Variants in MSI2 observed in about 807,000 individuals in gnomAD.
The protein encoded by MSI2 is musashi RNA binding protein 2.
In MSI2, 17 loss-of-function variants were observed where a neutral mutation model predicts 45.6. The observed-to-expected ratio is 0.37, with a 90% confidence interval of 0.26 to 0.56. The LOEUF (loss-of-function observed/expected upper bound fraction) is 0.56. Ranked by LOEUF, MSI2 falls within the 20% of genes least tolerant of loss-of-function variation. MSI2 has a pLI of 0.77. For synonymous variants in MSI2, 156 were observed against 158.2 expected, an observed-to-expected ratio of 0.99 and a Z score of 0.11; for missense variants, 293 against 444.2, an observed-to-expected ratio of 0.66 and a Z score of 3.06.
chr17:57,349,229 C>T (rs147599937), intron 5 of MSI2, among the ~76,000 whole-genome samples: 1 of 152,190 alleles, frequency 6.6e-6, no homozygotes, highest in Non-Finnish European at 1.5e-5. Context: ...ACTGCCTTCT[C>T]CCTTTTGGTC....
intron 11 of MSI2, among the ~76,000 whole-genome samples, chr17:57,659,914 T>C (rs1020753716): frequency 2.0e-5 from 3 of 152,308 alleles, no homozygotes; most frequent in African/African-American, 7.2e-5. Flanking sequence ...CAGATATTTA[T>C]TAAGTATATA....
intron 5 of MSI2, among the ~76,000 whole-genome samples, chr17:57,270,960 C>T (rs1260045310): frequency 1.3e-5 from 2 of 152,176 alleles, no homozygotes; most frequent in African/African-American, 4.8e-5. Flanking sequence ...CAGCCTTTAT[C>T]TTGGGGATGC....
At chr17:57,471,676 A>T (rs906965082) in intron 6 of MSI2, among the ~76,000 whole-genome samples, 6 of 152,140 alleles carry the variant, frequency 3.9e-5, no homozygotes, top group Non-Finnish European at 8.8e-5. Context: ...GAAGGCGTGC[A>T]GCTGCAGGAG....
intron 6 of MSI2, among the ~76,000 whole-genome samples, chr17:57,486,063 AG>A (rs756090312): frequency 1.3e-5 from 2 of 152,230 alleles, no homozygotes; most frequent in Non-Finnish European, 2.9e-5. Context: ...CCAAGGATAC[AG>A]TGTCAGAATA....
intron 6 of MSI2, among the ~76,000 whole-genome samples, chr17:57,441,989 C>G (rs1336497483): frequency 2.0e-5 from 3 of 151,932 alleles, no homozygotes; most frequent in African/African-American, 4.8e-5. Flanking sequence ...CTTGGCTGTA[C>G]ATTTAAACTG....
At chr17:57,288,278 G>A (rs1910101273) in intron 5 of MSI2, among the ~76,000 whole-genome samples, 1 of 152,200 alleles carries the variant, frequency 6.6e-6, no homozygotes, top group Admixed American at 6.5e-5. Flanking sequence ...TGTTGATTAT[G>A]CAGCCAGCCT....
chr17:57,540,608 G>T (rs888008951), intron 7 of MSI2, among the ~76,000 whole-genome samples: 37 of 152,314 alleles, frequency 2.4e-4, no homozygotes, highest in African/African-American at 8.7e-4. Flanking sequence ...GTCCTTATAA[G>T]AAGGAACATG....
At chr17:57,319,117 A>AG (rs1487560688) in intron 5 of MSI2, among the ~76,000 whole-genome samples, 3 of 152,222 alleles carry the variant, frequency 2.0e-5, no homozygotes, top group African/African-American at 7.2e-5. Context: ...TATGCAGAGC[A>AG]GGGCCTTCTG....
intron 6 of MSI2, among the ~76,000 whole-genome samples, chr17:57,476,049 C>A (rs747114800): frequency 1.3e-5 from 2 of 152,148 alleles, no homozygotes; most frequent in Non-Finnish European, 2.9e-5. Flanking sequence ...GTCAGCGCTG[C>A]AGAATGGTGT....
intron 11 of MSI2, among the ~76,000 whole-genome samples, chr17:57,672,005 G>A (rs1912825391): frequency 6.6e-6 from 1 of 152,200 alleles, no homozygotes; most frequent in South Asian, 2.1e-4. Context: ...CAGGGGTGCG[G>A]GTTCCACTGC....
At chr17:57,426,243 G>A (rs529797966) in intron 6 of MSI2, among the ~76,000 whole-genome samples, 19 of 152,252 alleles carry the variant, frequency 1.2e-4, no homozygotes, top group Non-Finnish European at 2.2e-4. Flanking sequence ...GCTGCATACC[G>A]GTTTTGTCCT....
At chr17:57,353,185 T>C (rs776112716) in intron 5 of MSI2, among the ~76,000 whole-genome samples, 23 of 152,202 alleles carry the variant, frequency 1.5e-4, no homozygotes, top group Middle Eastern at 3.2e-3. Flanking sequence ...TTTAGTTTTC[T>C]GGCAACTCAA....
intron 6 of MSI2, chr17:57,522,493 A>C (rs2086611140): frequency 6.6e-6 from 1 of 152,168 alleles, no homozygotes; most frequent in Admixed American, 6.5e-5. Context: ...GACATTTCTC[A>C]GGGCATGCAT....
intron 6 of MSI2, among the ~76,000 whole-genome samples, chr17:57,420,799 C>T (rs1033995352): frequency 2.6e-5 from 4 of 152,216 alleles, no homozygotes; most frequent in Non-Finnish European, 5.9e-5. Flanking sequence ...ATTTCCTCAA[C>T]AGCAGGTGTC....
In MSI2 at chr17:57,590,311, T is replaced by A. The variant is rs564943793; in HGVS notation, c.455-6557T>A. On this transcript the variant is annotated intron_variant, in intron 7 of 13. Coordinates refer to ENST00000284073, the MANE Select transcript of MSI2 (RefSeq NM_138962.4). ...TGTTCCCATCTTTCTCTCTCTGACC[T>A]AAAAAAAAATTCTCTTGTAAGTTAA... 2.6e-5 allele frequency among the ~76,000 whole-genome samples: 4 copies of A among 151,820 alleles called. No homozygotes were observed. The South Asian group carries it at 8.3e-4, about 32-fold the overall frequency.
At chr17:57,284,125 G>A (rs1448842198) in intron 5 of MSI2, among the ~76,000 whole-genome samples, 4 of 152,214 alleles carry the variant, frequency 2.6e-5, no homozygotes, top group Non-Finnish European at 4.4e-5. Context: ...GGCCCGCTGA[G>A]TTGAGCATTG....
chr17:57,468,756 G>A lies in MSI2; in HGVS notation c.406-60920G>A, dbSNP rs140250750. On this transcript the variant is annotated intron_variant, in intron 6 of 13. Transcript: ENST00000284073. ...GTGTGGTAGAGTGGCTGCCCAGAAC[G>A]CGGGTCTCTTGGGCCTCATCCGGGC... is the stretch of plus-strand genomic sequence containing the variant. Among the ~76,000 whole-genome samples, 14 of 152,160 alleles carry A rather than the reference G, an allele frequency of 9.2e-5. No individual in the cohort carries two copies. In the East Asian group the frequency reaches 1.7e-3, roughly 19 times the overall value.
intron 6 of MSI2, among the ~76,000 whole-genome samples, chr17:57,432,252 C>T (rs2084610458): frequency 2.0e-5 from 3 of 152,122 alleles, no homozygotes; most frequent in Admixed American, 2.0e-4. Flanking sequence ...GTGTGAGGCC[C>T]CGAGGAGCCA....
intron 5 of MSI2, among the ~76,000 whole-genome samples, chr17:57,310,032 T>C (rs372437150): frequency 7.3e-4 from 111 of 152,274 alleles, no homozygotes; most frequent in African/African-American, 2.6e-3. Context: ...ATTTAGCATT[T>C]GTGTGTCAGT....
Sources: allele counts gnomAD v4.1 joint callset (sites outside exome capture counted in the v4.1 genomes callset), GRCh38; gene constraint gnomAD v4.1.1; transcripts MANE v1.5; gene names NCBI Gene and HGNC (gene_info 2026-07-23, HGNC 2026-07-21).